The following PDZD2 variants were observed in gnomAD, a reference collection of about 807,000 sequenced individuals.
The protein encoded by PDZD2 is PDZ domain-containing protein 2.
Under a neutral mutation model 220.7 loss-of-function variants are expected in PDZD2, and 90 were observed. That is an observed-to-expected ratio of 0.41 (90% CI 0.34 to 0.49). The LOEUF (loss-of-function observed/expected upper bound fraction) is 0.49. Among genes scored for constraint, PDZD2 ranks in the 20% least tolerant of loss-of-function variants. The pLI, the probability that PDZD2 is intolerant of heterozygous loss-of-function variation, is 0.28. For synonymous variants in PDZD2, 1,375 were observed against 1,450.5 expected (o/e 0.95, Z 1.18); for missense variants, 3,174 against 3,608.5 (o/e 0.88, Z 3.08).
intron 3 of PDZD2, among the ~76,000 whole-genome samples, chr5:31,993,777 A>T (rs1266317450): frequency 6.6e-6 from 1 of 152,214 alleles, no homozygotes; most frequent in Non-Finnish European, 1.5e-5. Context: ...CTAGGGCTAA[A>T]AAGAGCTACA....
chr5:32,027,612 G>A (rs563931874), intron 6 of PDZD2, among the ~76,000 whole-genome samples: 23 of 152,264 alleles, frequency 1.5e-4, no homozygotes, highest in African/African-American at 5.1e-4. Context: ...ACCAGAGCAC[G>A]CCCAGGGTTG....
intron 1 of PDZD2, among the ~76,000 whole-genome samples, chr5:31,688,716 C>A (rs989315873): frequency 1.3e-5 from 2 of 152,162 alleles, no homozygotes. Flanking sequence ...TGCTGATTAC[C>A]TCCTGCGTCC....
At chr5:31,886,124 C>G (rs2150342143) in intron 2 of PDZD2, among the ~76,000 whole-genome samples, 1 of 152,224 alleles carries the variant, frequency 6.6e-6, no homozygotes, top group African/African-American at 2.4e-5. Flanking sequence ...GTCTGTAACT[C>G]CTGACCTTAG....
At chr5:31,764,758 G>A (rs1374781162) in intron 1 of PDZD2, among the ~76,000 whole-genome samples, 1 of 152,086 alleles carries the variant, frequency 6.6e-6, no homozygotes, top group Non-Finnish European at 1.5e-5. Context: ...AATCGCCTTG[G>A]CAAGGTTGTT....
chr5:32,045,291 T>C (rs963697932), intron 7 of PDZD2, among the ~76,000 whole-genome samples: 1 of 152,342 alleles, frequency 6.6e-6, no homozygotes, highest in Admixed American at 6.5e-5. Flanking sequence ...TCATCTCTCA[T>C]TTCATGGAAC....
At chr5:31,773,219 G>A (rs1279084791) in intron 1 of PDZD2, among the ~76,000 whole-genome samples, 1 of 152,144 alleles carries the variant, frequency 6.6e-6, no homozygotes, top group African/African-American at 2.4e-5. Context: ...AAGTCAACTT[G>A]GGGCTAGTAG....
intron 6 of PDZD2, among the ~76,000 whole-genome samples, chr5:32,028,808 G>A (rs909986344): frequency 2.0e-5 from 3 of 151,496 alleles, no homozygotes; most frequent in Non-Finnish European, 4.4e-5. Flanking sequence ...TTAGCCTCCC[G>A]AGTAGCTGGG....
chr5:31,725,648 C>T, intron 1 of PDZD2: 1 of 1,134,912 alleles, frequency 8.8e-7, no homozygotes, highest in Non-Finnish European at 1.3e-6. Flanking sequence ...GATTCCTTTT[C>T]ATATCTTGAG....
chr5:31,779,465 C>T (rs994408803), intron 1 of PDZD2, among the ~76,000 whole-genome samples: 11 of 70,868 alleles, frequency 1.6e-4, no homozygotes, highest in Non-Finnish European at 2.2e-4. Flanking sequence ...AGCTCCACCT[C>T]CCGGATCACG....
chr5:32,070,121 A>G (rs1015333104), intron 15 of PDZD2, among the ~76,000 whole-genome samples: 5 of 152,204 alleles, frequency 3.3e-5, no homozygotes, highest in African/African-American at 1.2e-4. Context: ...AAGGCTTGAG[A>G]TAGTAGGAAT....
intron 1 of PDZD2, among the ~76,000 whole-genome samples, chr5:31,797,223 G>A (rs545402776): frequency 1.6e-4 from 24 of 151,022 alleles, no homozygotes; most frequent in African/African-American, 5.1e-4. Flanking sequence ...GATTACAGGC[G>A]TGAGCCACTG....
intron 1 of PDZD2, among the ~76,000 whole-genome samples, chr5:31,778,755 A>T (rs1752873100): frequency 6.6e-6 from 1 of 152,196 alleles, no homozygotes; most frequent in Admixed American, 6.5e-5. Flanking sequence ...ACACACTGGG[A>T]TTACAGGTGT....
chr5:31,679,493 C>T (rs1284616221), intron 1 of PDZD2, among the ~76,000 whole-genome samples: 1 of 139,388 alleles, frequency 7.2e-6, no homozygotes, highest in Non-Finnish European at 1.6e-5. Flanking sequence ...TGTTGAGTTG[C>T]ATTTTTTATT....
At chr5:31,977,570 T>C (rs1458653315) in intron 2 of PDZD2, among the ~76,000 whole-genome samples, 2 of 152,154 alleles carry the variant, frequency 1.3e-5, no homozygotes, top group African/African-American at 4.8e-5. Flanking sequence ...AGAATTATGA[T>C]AGAGCATCAA....
At chr5:31,728,950 G>A (rs537005817) in intron 1 of PDZD2, among the ~76,000 whole-genome samples, 1 of 152,156 alleles carries the variant, frequency 6.6e-6, no homozygotes, top group East Asian at 1.9e-4. Context: ...TGCCTCCTGG[G>A]TTCAGGCGAT....
chr5:31,995,194 A>T (rs759317451), intron 3 of PDZD2, among the ~76,000 whole-genome samples: 4 of 152,174 alleles, frequency 2.6e-5, no homozygotes, highest in Non-Finnish European at 5.9e-5. Flanking sequence ...CAGGAAATTT[A>T]ATCACTTTGC....
chr5:31,645,481 T>C (rs1439632542), intron 1 of PDZD2, among the ~76,000 whole-genome samples: 2 of 151,958 alleles, frequency 1.3e-5, no homozygotes, highest in East Asian at 1.9e-4. Context: ...GGACTACAGG[T>C]GCGTGCCACC....
At chr5:32,032,682 G>A (rs1197920834) in intron 6 of PDZD2, among the ~76,000 whole-genome samples, 2 of 152,138 alleles carry the variant, frequency 1.3e-5, no homozygotes, top group East Asian at 1.9e-4. Flanking sequence ...TGTCATGTTA[G>A]TGTGGTTTCA....
At chr5:31,953,833 G>A (rs1197350384) in intron 2 of PDZD2, among the ~76,000 whole-genome samples, 2 of 152,046 alleles carry the variant, frequency 1.3e-5, no homozygotes, top group African/African-American at 4.8e-5. Context: ...TGTATTTTTA[G>A]TAGAGATGGG....
Sources: gnomAD v4.1 joint callset for allele counts (sites outside exome capture counted in the v4.1 genomes callset) on GRCh38, gnomAD v4.1.1 for gene constraint, MANE v1.5 for transcripts, NCBI Gene and HGNC (gene_info 2026-07-23, HGNC 2026-07-21) for gene names.